Variants in STIM1 observed in about 807,000 individuals in gnomAD.
The protein encoded by STIM1 is stromal interaction molecule 1.
A neutral mutation model predicts 74.7 loss-of-function variants in STIM1; 25 were observed. The ratio of observed to expected loss-of-function variants is 0.33; its 90% CI spans 0.24 to 0.47. STIM1 has a LOEUF of 0.47. Ranked by LOEUF, STIM1 falls within the 20% of genes least tolerant of loss-of-function variation. The probability of loss-of-function intolerance (pLI) is 1.00; values close to 1 mark genes in which losing one functional copy is unlikely to be tolerated. For synonymous variants in STIM1, 328 were observed against 348.8 expected, an observed-to-expected ratio of 0.94 and a Z score of 0.66; for missense variants, 728 against 920.8, an observed-to-expected ratio of 0.79 and a Z score of 2.71.
intron 1 of STIM1, among the ~76,000 whole-genome samples, chr11:3,869,240 T>G (rs1328447183): frequency 6.6e-6 from 1 of 152,208 alleles, no homozygotes; most frequent in Non-Finnish European, 1.5e-5. Context: ...AAGTGCTAGG[T>G]TTATAGGCGT....
At chr11:3,937,350 A>G (rs933152117) in intron 1 of STIM1, among the ~76,000 whole-genome samples, 1 of 150,856 alleles carries the variant, frequency 6.6e-6, no homozygotes, top group African/African-American at 2.4e-5. Flanking sequence ...AATTATCTGG[A>G]AATTTAATAT....
chr11:3,961,749 C>T (rs1356288317), intron 1 of STIM1, among the ~76,000 whole-genome samples: 1 of 152,034 alleles, frequency 6.6e-6, no homozygotes, highest in African/African-American at 2.4e-5. Flanking sequence ...ACCTTGTGAT[C>T]CGCCTGCCTC....
chr11:4,061,412 G>A (rs923550620), intron 5 of STIM1, among the ~76,000 whole-genome samples: 3 of 152,250 alleles, frequency 2.0e-5, no homozygotes, highest in East Asian at 1.9e-4. Flanking sequence ...CCTGAGATAG[G>A]CAGAACACAG....
At chr11:3,905,369 ATT>A (rs879493931) in intron 1 of STIM1, among the ~76,000 whole-genome samples, 2 of 144,066 alleles carry the variant, frequency 1.4e-5, no homozygotes, top group Non-Finnish European at 1.5e-5. Flanking sequence ...AGGTTCAAAG[ATT>A]TTTTTTTTTT....
At chr11:4,039,601 A>G (rs1385031046) in intron 3 of STIM1, among the ~76,000 whole-genome samples, 1 of 151,194 alleles carries the variant, frequency 6.6e-6, no homozygotes, top group Admixed American at 6.6e-5. Context: ...AAAAAAAAAA[A>G]AAAACGAAAG....
intron 5 of STIM1, among the ~76,000 whole-genome samples, chr11:4,066,696 A>C (rs377581294): frequency 6.6e-6 from 1 of 152,162 alleles, no homozygotes; most frequent in Non-Finnish European, 1.5e-5. Flanking sequence ...AGAAAAAAAA[A>C]GTTGAAAAAC....
intron 1 of STIM1, among the ~76,000 whole-genome samples, chr11:3,894,583 C>A (rs1171084010): frequency 6.6e-6 from 1 of 152,162 alleles, no homozygotes; most frequent in Non-Finnish European, 1.5e-5. Context: ...TTTCAGTTGT[C>A]CAAAGGGCCT....
chr11:3,918,344 G>A (rs1367934892), intron 1 of STIM1, among the ~76,000 whole-genome samples: 3 of 151,834 alleles, frequency 2.0e-5, no homozygotes, highest in Non-Finnish European at 4.4e-5. Flanking sequence ...TGAGGAAATC[G>A]CATCTCTACA....
intron 2 of STIM1, among the ~76,000 whole-genome samples, chr11:4,007,217 T>C (rs2959080): frequency 0.77 from 116,672 of 152,042 alleles, 45,881 homozygotes; most frequent in East Asian, 0.9. Context: ...CTAGCCAATG[T>C]TGCATTCCCC....
chr11:3,999,916 C>A (rs201409397), intron 2 of STIM1, among the ~76,000 whole-genome samples: 1 of 152,222 alleles, frequency 6.6e-6, no homozygotes. Flanking sequence ...TAGGAAATGG[C>A]GCACCAGGAG....
Position 3,999,850 on chromosome 11 carries a change from C to T in STIM1, c.271-24023C>T, listed in dbSNP as rs530424501. ...CCTGGTCAAGGAAAGGGGTGACAGA[C>T]GGCACCTGGAAAATCGGGCCACTCC... On this transcript the variant is annotated intron_variant, in intron 2 of 12. Coordinates refer to ENST00000526596, the MANE Select transcript of STIM1 (RefSeq NM_001382567.1). Among the ~76,000 whole-genome samples, 550 of 152,214 alleles carry T rather than the reference C, an allele frequency of 3.6e-3. 2 individuals are homozygous for T. The highest frequency in any genetic ancestry group is 4.9e-3 in the Non-Finnish European group (334 of 68,000).
At chr11:3,893,555 G>A (rs2091960443) in intron 1 of STIM1, among the ~76,000 whole-genome samples, 2 of 152,004 alleles carry the variant, frequency 1.3e-5, no homozygotes, top group South Asian at 4.1e-4. Flanking sequence ...CCTGGTGCAT[G>A]AATATCTACA....
At chr11:3,937,135 A>G (rs2092942265) in intron 1 of STIM1, among the ~76,000 whole-genome samples, 1 of 152,030 alleles carries the variant, frequency 6.6e-6, no homozygotes, top group South Asian at 2.1e-4. Flanking sequence ...TACAAAAAAT[A>G]CAAAAATTAG....
chr11:3,862,425 G>GT (rs2090650673), intron 1 of STIM1, among the ~76,000 whole-genome samples: 1 of 152,130 alleles, frequency 6.6e-6, no homozygotes, highest in Non-Finnish European at 1.5e-5. Flanking sequence ...GAGAAGCCTT[G>GT]TAGAATGCTC....
chr11:3,939,164 G>A (rs1324267178), intron 1 of STIM1, among the ~76,000 whole-genome samples: 1 of 152,188 alleles, frequency 6.6e-6, no homozygotes, highest in Non-Finnish European at 1.5e-5. Context: ...CTTATAAAAT[G>A]CTGCTTGATC....
intron 2 of STIM1, among the ~76,000 whole-genome samples, chr11:3,985,557 G>C (rs2093550920): frequency 6.6e-6 from 1 of 152,198 alleles, no homozygotes; most frequent in African/African-American, 2.4e-5. Context: ...ACAGGACCTG[G>C]AAGTAAAAGC....
chr11:4,081,307 A>G (rs552940707), intron 7 of STIM1, among the ~76,000 whole-genome samples: 1 of 152,338 alleles, frequency 6.6e-6, no homozygotes, highest in East Asian at 1.9e-4. Flanking sequence ...AGTCTTTTAC[A>G]CTTTAGTGCT....
At chr11:4,091,147 T>G in intron 12 of STIM1, 135 bp from the exon 13 acceptor site, 1 of 1,221,506 alleles carries the variant, frequency 8.2e-7, no homozygotes, top group Non-Finnish European at 1.2e-6. Context: ...ATCCTATTTC[T>G]CTCTCCTGCC....
chr11:3,878,190 G>A (rs1161584671), intron 1 of STIM1, among the ~76,000 whole-genome samples: 1 of 152,100 alleles, frequency 6.6e-6, no homozygotes, highest in Non-Finnish European at 1.5e-5. Context: ...TATGGTCTGG[G>A]GAGAAGGGAA....
Sources: gnomAD v4.1 joint callset for allele counts (sites outside exome capture counted in the v4.1 genomes callset) on GRCh38, gnomAD v4.1.1 for gene constraint, MANE v1.5 for transcripts, NCBI Gene and HGNC (gene_info 2026-07-23, HGNC 2026-07-21) for gene names.